Variants in HEPACAM2 observed in about 807,000 individuals in gnomAD.
HEPACAM2 encodes mitotic kinetics regulator.
In HEPACAM2, 49 loss-of-function variants were observed where a neutral mutation model predicts 49.6. The ratio of observed to expected loss-of-function variants is 0.99; its 90% CI spans 0.78 to 1.25. The LOEUF is 1.25. HEPACAM2 is among the 50% of genes most tolerant of loss of function. The probability of loss-of-function intolerance (pLI) is 0.00; values close to 1 mark genes in which losing one functional copy is unlikely to be tolerated. For synonymous variants in HEPACAM2, 197 were observed against 202.9 expected, an observed-to-expected ratio of 0.97 and a Z score of 0.25; for missense variants, 525 against 557.2, an observed-to-expected ratio of 0.94 and a Z score of 0.58.
chr7:93,227,248 T>A (rs964131611), upstream of HEPACAM2, among the ~76,000 whole-genome samples: 1 of 152,226 alleles, frequency 6.6e-6, no homozygotes, highest in African/African-American at 2.4e-5. Flanking sequence ...ACCTGGTCTC[T>A]CCATTGTCAT....
intron 4 of HEPACAM2, among the ~76,000 whole-genome samples, chr7:93,205,289 A>T (rs55863225): frequency 0.021 from 3,122 of 152,212 alleles, 105 homozygotes; most frequent in African/African-American, 0.069. Context: ...TCTTAGAAAG[A>T]GAAAAACACA....
At chr7:93,197,121 G>T in intron 7 of HEPACAM2, 120 bp downstream of exon 7, 1 of 635,776 alleles carries the variant, frequency 1.6e-6, no homozygotes, top group Non-Finnish European at 2.3e-6. Flanking sequence ...AAAGGTAAGA[G>T]ACTGTTATAT....
chr7:93,189,337 C>T, intron 9 of HEPACAM2, 67 bp from the exon 10 acceptor site: 1 of 1,112,456 alleles, frequency 9.0e-7, no homozygotes, highest in Admixed American at 2.5e-5. Context: ...GGTAAAAGAA[C>T]TTTAAATTCT....
intron 4 of HEPACAM2, among the ~76,000 whole-genome samples, chr7:93,207,077 A>G (rs1189590526): frequency 6.6e-6 from 1 of 152,098 alleles, no homozygotes; most frequent in Non-Finnish European, 1.5e-5. Context: ...CGACCTCCCT[A>G]GGTGATCTTG....
chr7:93,228,398 G>A (rs1794575504), upstream of HEPACAM2, among the ~76,000 whole-genome samples: 1 of 152,064 alleles, frequency 6.6e-6, no homozygotes. Flanking sequence ...TAGGGAAAGG[G>A]CTACTGGGAT....
In HEPACAM2 at chr7:93,192,360, G is replaced by C. The variant is rs893091860; in HGVS notation, c.1279C>G (p.Pro427Ala). 3 of 1,607,916 alleles carry C rather than the reference G, an allele frequency of 1.9e-6. No homozygotes were observed. Among genetic ancestry groups the C allele is most frequent in the Non-Finnish European group, 2.6e-6 (3 of 1,175,698 alleles). Residue 427 changes from proline to alanine, a missense_variant, in exon 9 of 10, where the codon CCA becomes GCA. Transcript: ENST00000394468. Reference protein sequence around the residue: ...FPDVSGVSRIPSRSVPASDCV... With the variant: ...FPDVSGVSRIASRSVPASDCV... ...TCAGAGGCTGGAACAGACCTGCTTG[G>C]GATCTAGAAAATGTGATACATTAAA...
intron 9 of HEPACAM2, among the ~76,000 whole-genome samples, chr7:93,189,546 C>T (rs1029411952): frequency 6.6e-6 from 1 of 151,850 alleles, no homozygotes; most frequent in African/African-American, 2.4e-5. Context: ...ATAAACCCTA[C>T]CAAGAGCATT....
Position 93,192,321 on chromosome 7 carries a change from G to GC in HEPACAM2, c.1317dup (p.Gln440AlafsTer9). The GC allele has an allele frequency of 3.1e-6, 5 of 1,612,710 alleles. No individual in the cohort carries two copies. The highest frequency in any genetic ancestry group is 4.2e-6 in the Non-Finnish European group (5 of 1,179,150). ...TCATACACTGTACTGTGCAAATCTTGCCCCGATACACAATCAGAGGCTGGA... is the reference window on the plus strand; with the variant it reads ...TCATACACTGTACTGTGCAAATCTTGCCCCCGATACACAATCAGAGGCTGGA... On this transcript the variant is annotated frameshift_variant, in exon 9 of 10. Transcript: ENST00000394468. LOFTEE classifies it high-confidence loss of function.
intron 1 of HEPACAM2, 53 bp downstream of exon 1, chr7:93,226,315 T>TAAAAA: frequency 8.9e-7 from 1 of 1,124,684 alleles, no homozygotes; most frequent in Non-Finnish European, 1.3e-6. Context: ...TGTCCACAAT[T>TAAAAA]AAAAAAAAAA....
At chr7:93,213,800 G>A (rs1794237679) in intron 3 of HEPACAM2, among the ~76,000 whole-genome samples, 3 of 152,206 alleles carry the variant, frequency 2.0e-5, no homozygotes, top group Middle Eastern at 3.4e-3. Context: ...TGACACTGAG[G>A]AGGTGAGATA....
At chr7:93,208,550 TA>T in intron 4 of HEPACAM2, 29 bp downstream of exon 4, 1 of 1,589,380 alleles carries the variant, frequency 6.3e-7, no homozygotes, top group Non-Finnish European at 8.6e-7. Flanking sequence ...CATGTTTTAT[TA>T]GGATCCCTTC....
Position 93,219,410 on chromosome 7 carries a change from CA to C in HEPACAM2, c.120del (p.Val41SerfsTer44). On this transcript the variant is annotated frameshift_variant, in exon 2 of 10. Transcript: ENST00000394468. LOFTEE classifies it high-confidence loss of function. ...AGGGCCTGACCTCTGACGCCATGGA[CA>C]GTGTGTGATGGCACTGTCACCTTCA... ...SGLKVTVPSH[T>X]VHGVRGQALY... 6.2e-7 allele frequency: 1 copy of C among 1,613,942 alleles called. No individual in the cohort carries two copies. Among genetic ancestry groups the C allele is most frequent in the Non-Finnish European group, 8.5e-7 (1 of 1,179,944 alleles).
rs1231697824 is a variant in HEPACAM2 at position 93,195,818 on chromosome 7, G to T, written c.1275+10C>A. ...TACTTCTCGGTTAATCAGCCACTAG[G>T]AAAACCAACCCTGGAAACACCAGAA... On this transcript the variant is annotated intron_variant, in intron 8 of 9. Transcript: ENST00000394468. 6.2e-7 allele frequency: 1 copy of T among 1,609,742 alleles called. No individual in the cohort carries two copies. Among genetic ancestry groups the T allele is most frequent in the East Asian group, 2.2e-5 (1 of 44,762 alleles).
intron 8 of HEPACAM2, among the ~76,000 whole-genome samples, chr7:93,194,194 A>G (rs1793625461): frequency 6.6e-6 from 1 of 151,958 alleles, no homozygotes; most frequent in Non-Finnish European, 1.5e-5. Flanking sequence ...TCCCAGTAAA[A>G]CTCCAAAATT....
At chr7:93,208,046 C>A (rs1027103342) in intron 4 of HEPACAM2, among the ~76,000 whole-genome samples, 12 of 151,946 alleles carry the variant, frequency 7.9e-5, no homozygotes, top group African/African-American at 2.9e-4. Flanking sequence ...TAGAGAAAGC[C>A]AAATTTCACA....
chr7:93,219,402 G>C lies in HEPACAM2; in HGVS notation c.129C>G (p.Gly43=), dbSNP rs1362751035. 1 of 1,613,860 alleles carries C rather than the reference G, an allele frequency of 6.2e-7. No homozygotes were observed. The change falls in exon 2 of 10, where the codon GGC becomes GGG. Residue 43 remains glycine (G), a synonymous_variant. Coordinates refer to ENST00000394468, the MANE Select transcript of HEPACAM2 (RefSeq NM_001039372.4). ...GTAGGTAGAGGGCCTGACCTCTGAC[G>C]CCATGGACAGTGTGTGATGGCACTG... ...KVTVPSHTVH[G]VRGQALYLPV... is the part of the protein sequence containing the mutation.
At chr7:93,205,555 A>C (rs1209868934) in intron 4 of HEPACAM2, 1 of 152,152 alleles carries the variant, frequency 6.6e-6, no homozygotes, top group Non-Finnish European at 1.5e-5. Context: ...TTCTGGAAAC[A>C]TCTCAAAAGC....
At chr7:93,189,417 C>A in intron 9 of HEPACAM2, 147 bp from the exon 10 acceptor site, 2 of 509,432 alleles carry the variant, frequency 3.9e-6, no homozygotes, top group Non-Finnish European at 6.9e-6. Context: ...CATTTATCAA[C>A]AAATAAATAT....
intron 4 of HEPACAM2, among the ~76,000 whole-genome samples, chr7:93,198,000 G>A (rs374012488): frequency 6.6e-6 from 1 of 151,900 alleles, no homozygotes; most frequent in Non-Finnish European, 1.5e-5. Context: ...CATAATTCAA[G>A]TATGTGAATT....
Sources: gnomAD v4.1 joint callset for allele counts (sites outside exome capture counted in the v4.1 genomes callset) on GRCh38, gnomAD v4.1.1 for gene constraint, MANE v1.5 for transcripts, NCBI Gene and HGNC (gene_info 2026-07-23, HGNC 2026-07-21) for gene names.